Variants in ZNF654 observed in about 807,000 individuals in gnomAD.
The protein encoded by ZNF654 is zinc finger protein 654, also known as melanoma-associated antigen.
A neutral mutation model predicts 95.3 loss-of-function variants in ZNF654; 19 were observed. The observed-to-expected ratio is 0.20, with a 90% CI of 0.14 to 0.29. ZNF654 has a LOEUF of 0.29. ZNF654 is among the 10% of genes least tolerant of loss of function. ZNF654 has a pLI of 1.00. For synonymous variants in ZNF654, 413 were observed against 457.9 expected, an observed-to-expected ratio of 0.90 and a Z score of 1.25; for missense variants, 1,046 against 1,341.0, an observed-to-expected ratio of 0.78 and a Z score of 3.44.
intron 3 of ZNF654, among the ~76,000 whole-genome samples, chr3:88,116,302 C>G (rs542288110): frequency 6.6e-6 from 1 of 152,212 alleles, no homozygotes; most frequent in South Asian, 2.1e-4. Context: ...GGGCAGATCA[C>G]CTGAGGGTGG....
chr3:88,103,273 T>C (rs1370513530), intron 2 of ZNF654, among the ~76,000 whole-genome samples: 1 of 152,100 alleles, frequency 6.6e-6, no homozygotes. Flanking sequence ...TTTGAGCAGA[T>C]TGGAAATTTC....
In ZNF654 at chr3:88,140,028, G is replaced by A. The variant is rs1197712749; in HGVS notation, c.2359G>A (p.Gly787Arg). ...VRQTVMKWSK[G>R]KCKFCQRQFE... Reference sequence around the variant, plus strand: ...ACAAACAGTAATGAAGTGGAGCAAAGGAAAATGCAAATTTTGTCAAAGGCA... The same window carrying A: ...ACAAACAGTAATGAAGTGGAGCAAAAGAAAATGCAAATTTTGTCAAAGGCA... Residue 787 changes from glycine (G) to arginine (R), a missense_variant, in exon 8 of 9, where the codon GGA (glycine) becomes AGA (arginine). Gly to Arg is a moderately radical substitution (Grantham distance 125). Transcript: ENST00000636215. 1 of 1,613,714 alleles carries A rather than the reference G, an allele frequency of 6.2e-7. No individual in the cohort carries two copies. Among genetic ancestry groups the A allele is most frequent in the Non-Finnish European group, 8.5e-7 (1 of 1,179,746 alleles).
chr3:88,072,757 A>T (rs1707588537), intron 1 of ZNF654, among the ~76,000 whole-genome samples: 1 of 152,172 alleles, frequency 6.6e-6, no homozygotes, highest in Admixed American at 6.5e-5. Flanking sequence ...CCTCCACAAA[A>T]AAATGAAAGC....
intron 6 of ZNF654, 72 bp downstream of exon 6, chr3:88,129,898 G>T (rs750062837): frequency 2.4e-5 from 30 of 1,258,264 alleles, no homozygotes; most frequent in Non-Finnish European, 3.1e-5. Flanking sequence ...TTTGAACTTT[G>T]TTTTTTACAT....
At chr3:88,088,728 A>C (rs77990694) in intron 2 of ZNF654, among the ~76,000 whole-genome samples, 1 of 8,582 alleles carries the variant, frequency 1.2e-4, no homozygotes, top group East Asian at 8.5e-3. Context: ...GAGGCAGTTT[A>C]AAAAAAAACC....
chr3:88,111,744 T>G (rs1288670609), intron 2 of ZNF654, among the ~76,000 whole-genome samples: 1 of 151,966 alleles, frequency 6.6e-6, no homozygotes, highest in Non-Finnish European at 1.5e-5. Flanking sequence ...ATGTGTACAT[T>G]TTAAATTGTG....
chr3:88,059,565 C>T (rs1706719984), intron 1 of ZNF654, 60 bp downstream of exon 1: 2 of 1,444,412 alleles, frequency 1.4e-6, no homozygotes, highest in Admixed American at 2.8e-5. Context: ...TCTGCGTCTC[C>T]TGGTCTTCTC....
intron 2 of ZNF654, among the ~76,000 whole-genome samples, chr3:88,087,984 G>C (rs1708425388): frequency 6.6e-6 from 1 of 152,192 alleles, no homozygotes; most frequent in Non-Finnish European, 1.5e-5. Flanking sequence ...TTCTGGATTA[G>C]GGATGCTCAA....
chr3:88,082,299 A>G (rs1708119092), intron 1 of ZNF654, among the ~76,000 whole-genome samples: 1 of 151,860 alleles, frequency 6.6e-6, no homozygotes, highest in Non-Finnish European at 1.5e-5. Flanking sequence ...GCTAATTTTT[A>G]TATTTTTAGT....
chr3:88,092,283 C>G (rs1457747180), intron 2 of ZNF654, among the ~76,000 whole-genome samples: 1 of 152,122 alleles, frequency 6.6e-6, no homozygotes, highest in East Asian at 1.9e-4. Context: ...TTCTGTAAAG[C>G]TCTGCTTGCT....
chr3:88,115,919 G>A (rs993156514), intron 3 of ZNF654, among the ~76,000 whole-genome samples: 2 of 152,166 alleles, frequency 1.3e-5, no homozygotes, highest in African/African-American at 4.8e-5. Context: ...CTTTATGTCA[G>A]TTGCTCAGGG....
intron 2 of ZNF654, among the ~76,000 whole-genome samples, chr3:88,101,721 T>G (rs1437644806): frequency 2.6e-5 from 4 of 152,164 alleles, no homozygotes; most frequent in Non-Finnish European, 5.9e-5. Flanking sequence ...TATGATTAGT[T>G]TATGTTTAGC....
chr3:88,076,367 T>A (rs1707800755), intron 1 of ZNF654, among the ~76,000 whole-genome samples: 1 of 152,176 alleles, frequency 6.6e-6, no homozygotes, highest in Admixed American at 6.5e-5. Flanking sequence ...GTAACATCTA[T>A]AATTTTTTTT....
intron 3 of ZNF654, among the ~76,000 whole-genome samples, chr3:88,118,975 G>T: frequency 6.8e-6 from 1 of 147,600 alleles, no homozygotes; most frequent in Non-Finnish European, 1.5e-5. Flanking sequence ...AAGTCAGTGT[G>T]GCGATTCCTC....
In ZNF654 at chr3:88,140,783, A is replaced by T. The variant is rs1247574847; in HGVS notation, c.3114A>T (p.Ser1038=). 1 of 1,613,778 alleles carries T rather than the reference A, an allele frequency of 6.2e-7. No individual in the cohort carries two copies. The highest frequency in any genetic ancestry group is 8.5e-7 in the Non-Finnish European group (1 of 1,179,710). Residue 1038 remains serine, a synonymous_variant, in exon 8 of 9, where the codon TCA becomes TCT. Coordinates refer to ENST00000636215, the MANE Select transcript of ZNF654 (RefSeq NM_001350134.2). ...SKPNLTSEHT[S]YGLILTKPYV... is the part of the protein sequence containing the mutation. ...CAAATCTGACAAGTGAACATACTTCATATGGCTTAATTTTAACAAAACCAT... is the reference window on the plus strand; with the variant it reads ...CAAATCTGACAAGTGAACATACTTCTTATGGCTTAATTTTAACAAAACCAT...
Position 88,140,559 on chromosome 3 carries a change from G to C in ZNF654, c.2890G>C (p.Glu964Gln), listed in dbSNP as rs752767748. 1.6e-5 allele frequency: 26 copies of C among 1,613,730 alleles called. No homozygotes were observed. Among genetic ancestry groups the C allele is most frequent in the Middle Eastern group, 1.6e-4 (1 of 6,062 alleles). Residue 964 changes from glutamate (E) to glutamine (Q), a missense_variant, in exon 8 of 9, where the codon GAG becomes CAG. Coordinates refer to ENST00000636215, the MANE Select transcript of ZNF654 (RefSeq NM_001350134.2). The part of the protein sequence containing the change: ...SLIDQKMPDI[E>Q]PNSENNCSSS... ...GATAGACCAAAAGATGCCTGACATA[G>C]AGCCAAATTCTGAAAATAATTGTAG...
intron 3 of ZNF654, among the ~76,000 whole-genome samples, chr3:88,122,729 G>C (rs1705844304): frequency 6.6e-6 from 1 of 152,018 alleles, no homozygotes. Flanking sequence ...AATATGTATG[G>C]CTGGGTACGG....
chr3:88,085,436 A>T (rs1708289642), intron 1 of ZNF654, among the ~76,000 whole-genome samples: 1 of 152,098 alleles, frequency 6.6e-6, no homozygotes, highest in Non-Finnish European at 1.5e-5. Context: ...TTTTTTTTCC[A>T]ACCACTTAAA....
At chr3:88,132,980 T>G (rs1018155436) in intron 6 of ZNF654, among the ~76,000 whole-genome samples, 1 of 152,208 alleles carries the variant, frequency 6.6e-6, no homozygotes, top group Non-Finnish European at 1.5e-5. Flanking sequence ...AGATAACTGC[T>G]ACCAGGGACA....
Sources: allele counts gnomAD v4.1 joint callset (sites outside exome capture counted in the v4.1 genomes callset), GRCh38; gene constraint gnomAD v4.1.1; transcripts MANE v1.5; gene names NCBI Gene and HGNC (gene_info 2026-07-23, HGNC 2026-07-21).